The following RANBP17 variants were observed in gnomAD, a reference collection of about 807,000 sequenced individuals.
RANBP17 encodes RAN binding protein 17, also known as ran-binding protein 17.
A neutral mutation model predicts 141.2 loss-of-function variants in RANBP17; 158 were observed. The observed-to-expected ratio is 1.12, with a 90% CI of 0.98 to 1.28. The LOEUF (loss-of-function observed/expected upper bound fraction) is 1.28. Among genes scored for constraint, RANBP17 ranks in the 50% most tolerant of loss-of-function variants. RANBP17 has a pLI of 0.00. For missense variants in RANBP17, 1,438 were observed against 1,290.7 expected, an observed-to-expected ratio of 1.11 and a Z score of -1.75; for synonymous variants, 430 against 450.0, an observed-to-expected ratio of 0.96 and a Z score of 0.56.
chr5:171,193,143 T>G (rs11134678), intron 18 of RANBP17, among the ~76,000 whole-genome samples: 16,633 of 152,252 alleles, frequency 0.11, 1,208 homozygotes, highest in Non-Finnish European at 0.16. Flanking sequence ...TTATCTCTCC[T>G]CTTAATTTTC....
intron 14 of RANBP17, among the ~76,000 whole-genome samples, chr5:171,107,671 A>G (rs1483855906): frequency 6.6e-6 from 1 of 152,224 alleles, no homozygotes; most frequent in Non-Finnish European, 1.5e-5. Flanking sequence ...TTGTTAATTC[A>G]TAACATAGTT....
chr5:170,873,155 C>T (rs1375197233), intron 1 of RANBP17, among the ~76,000 whole-genome samples: 1 of 152,202 alleles, frequency 6.6e-6, no homozygotes, highest in Non-Finnish European at 1.5e-5. Context: ...AGGTGATCCA[C>T]CCACCTTGGC....
At chr5:170,994,773 C>T (rs1253783883) in intron 14 of RANBP17, among the ~76,000 whole-genome samples, 1 of 152,000 alleles carries the variant, frequency 6.6e-6, no homozygotes, top group African/African-American at 2.4e-5. Context: ...TTTTAATCAG[C>T]CTAACAAATT....
At chr5:170,980,322 G>A (rs981999294) in intron 14 of RANBP17, among the ~76,000 whole-genome samples, 5 of 152,188 alleles carry the variant, frequency 3.3e-5, no homozygotes, top group Non-Finnish European at 2.9e-5. Context: ...AATGCAAGCT[G>A]GCTGCAGAAA....
Position 171,298,980 on chromosome 5 carries a change from C to T in RANBP17, c.*122C>T, listed in dbSNP as rs1191542208. On this transcript the variant is annotated 3_prime_UTR_variant, in exon 28 of 28. Coordinates refer to ENST00000523189, the MANE Select transcript of RANBP17 (RefSeq NM_022897.5). ...ATTTTTCAAAACATACAAGCAACAG[C>T]AAAAGCCCTAACTTCTTATACGTCT... 1 of 637,776 alleles carries T rather than the reference C, an allele frequency of 1.6e-6. No homozygotes were observed. Among genetic ancestry groups the T allele is most frequent in the East Asian group, 2.8e-5 (1 of 35,504 alleles). 39.5% of individuals were successfully genotyped at this position (637,776 alleles called of 1,614,324 possible). A position where few individuals can be genotyped will look rare whatever the true frequency, so the allele number is the denominator to read the frequency against.
intron 3 of RANBP17, 64 bp downstream of exon 3, chr5:170,881,960 T>A: frequency 9.2e-7 from 1 of 1,083,144 alleles, no homozygotes; most frequent in Non-Finnish European, 1.3e-6. Flanking sequence ...TTAAATATAC[T>A]AAACTGTTAC....
chr5:171,028,807 TAAGA>T, intron 14 of RANBP17: 2 of 794,312 alleles, frequency 2.5e-6, no homozygotes, highest in Non-Finnish European at 3.7e-6. Flanking sequence ...TTCCCTCTCC[TAAGA>T]AAGGAGAATT....
chr5:171,022,234 G>C (rs1581422378), intron 14 of RANBP17, among the ~76,000 whole-genome samples: 1 of 152,264 alleles, frequency 6.6e-6, no homozygotes, highest in South Asian at 2.1e-4. Flanking sequence ...TTCCTGTATT[G>C]GGTATCTGCC....
At chr5:171,080,592 G>C (rs1208966017) in intron 14 of RANBP17, among the ~76,000 whole-genome samples, 2 of 152,174 alleles carry the variant, frequency 1.3e-5, no homozygotes, top group Non-Finnish European at 2.9e-5. Flanking sequence ...AACTGTTACA[G>C]CTCTGACAGA....
At chr5:171,039,245 GTTT>G (rs57258448) in intron 14 of RANBP17, among the ~76,000 whole-genome samples, 63,611 of 125,296 alleles carry the variant, frequency 0.51, 14,528 homozygotes, top group South Asian at 0.77. Flanking sequence ...TCTGTTGTTG[GTTT>G]TTTTTTTTTT....
intron 19 of RANBP17, among the ~76,000 whole-genome samples, chr5:171,203,336 A>G (rs1477373362): frequency 1.3e-5 from 2 of 152,256 alleles, no homozygotes; most frequent in East Asian, 3.9e-4. Flanking sequence ...TTCCTTTTTC[A>G]TATGGGGGCT....
intron 14 of RANBP17, among the ~76,000 whole-genome samples, chr5:171,088,699 T>G (rs1470864296): frequency 2.0e-5 from 3 of 152,142 alleles, no homozygotes; most frequent in Non-Finnish European, 4.4e-5. Context: ...CCTTCTCGCT[T>G]GATTTCGTTC....
In RANBP17 at chr5:170,999,331, A is replaced by G. The variant is rs139065344; in HGVS notation, c.1710+30954A>G. Among the ~76,000 whole-genome samples the G allele has an allele frequency of 5.4e-3, 829 of 152,194 alleles. 5 individuals are homozygous for G. The highest frequency in any genetic ancestry group is 0.019 in the African/African-American group (784 of 41,544). On this transcript the variant is annotated intron_variant, in intron 14 of 27. Transcript: ENST00000523189. ...TAAAAATAAATAGCCTAGTTTTTCA[A>G]TTGGTATAAGCTGGCTTTATTTTAT...
At chr5:170,999,642 A>G (rs1779065880) in intron 14 of RANBP17, among the ~76,000 whole-genome samples, 1 of 152,204 alleles carries the variant, frequency 6.6e-6, no homozygotes, top group African/African-American at 2.4e-5. Context: ...GATAATTGAA[A>G]TATGTGTCTT....
chr5:171,064,720 C>A (rs1246592023), intron 14 of RANBP17, among the ~76,000 whole-genome samples: 1 of 151,962 alleles, frequency 6.6e-6, no homozygotes, highest in Non-Finnish European at 1.5e-5. Flanking sequence ...GGGGTTTCTC[C>A]ATGTTGCGTA....
rs537335429 is a variant in RANBP17, at chr5:171,219,100, C to T, written c.2340-2658C>T. 6.6e-5 allele frequency among the ~76,000 whole-genome samples: 10 copies of T among 152,202 alleles called. No individual in the cohort carries two copies. In the East Asian group the frequency reaches 1.7e-3, roughly 26 times the overall value. Reference sequence around the variant, plus strand: ...AGGCAGACCTGGTGGTGACAAAATCCCTCAGCATTTGCTTGTCTGTAAAAG... The same window carrying T: ...AGGCAGACCTGGTGGTGACAAAATCTCTCAGCATTTGCTTGTCTGTAAAAG... On this transcript the variant is annotated intron_variant, in intron 21 of 27. Coordinates refer to ENST00000523189, the MANE Select transcript of RANBP17 (RefSeq NM_022897.5).
rs1761002237 is a variant in RANBP17, at chr5:171,183,370, G to A, written c.1978G>A (p.Asp660Asn). The stretch of plus-strand genomic sequence containing the variant: ...CATCAGTGACAATCATAGTCTCAGC[G>A]ACTTCAGGTGTCGAACAACCTTCTA... ...LGISDNHSLS[D>N]FRCRTTFYTA... The change falls in exon 18 of 28, where the codon GAC becomes AAC. Residue 660 changes from aspartate (D) to asparagine (N), a missense_variant. By Grantham distance (23) the Asp-to-Asn change is conservative (BLOSUM62 1). Coordinates refer to ENST00000523189, the MANE Select transcript of RANBP17 (RefSeq NM_022897.5). 31 of 1,613,854 alleles carry A rather than the reference G, an allele frequency of 1.9e-5. No homozygotes were observed. The highest frequency in any genetic ancestry group is 2.7e-5 in the African/African-American group (2 of 74,928).
intron 22 of RANBP17, among the ~76,000 whole-genome samples, chr5:171,240,435 C>T (rs916772205): frequency 3.3e-5 from 5 of 152,056 alleles, no homozygotes; most frequent in Admixed American, 1.3e-4. Context: ...TCATTGAATT[C>T]GTATACCAAA....
intron 14 of RANBP17, among the ~76,000 whole-genome samples, chr5:170,980,276 A>G (rs1777670558): frequency 6.6e-6 from 1 of 152,218 alleles, no homozygotes; most frequent in African/African-American, 2.4e-5. Flanking sequence ...TAGCCTGACA[A>G]TGTGATAGAA....
Sources: allele counts gnomAD v4.1 joint callset (sites outside exome capture counted in the v4.1 genomes callset), GRCh38; gene constraint gnomAD v4.1.1; transcripts MANE v1.5; gene names NCBI Gene and HGNC (gene_info 2026-07-23, HGNC 2026-07-21).